Variants in RTN4RL1 observed in about 807,000 individuals in gnomAD.
RTN4RL1 encodes the protein reticulon 4 receptor like 1, also known as reticulon-4 receptor-like 1.
A neutral mutation model predicts 25.6 loss-of-function variants in RTN4RL1; 7 were observed. The observed-to-expected ratio is 0.27, with a 90% CI of 0.16 to 0.51. RTN4RL1 has a LOEUF of 0.51. Ranked by LOEUF, RTN4RL1 falls within the 20% of genes least tolerant of loss-of-function variation. The pLI is 0.97. For synonymous variants in RTN4RL1, 297 were observed against 288.2 expected, an observed-to-expected ratio of 1.03 and a Z score of -0.31; for missense variants, 500 against 615.6, an observed-to-expected ratio of 0.81 and a Z score of 1.99.
rs763607813 is a variant in RTN4RL1 at position 1,937,276 on chromosome 17, G to T, written c.546C>A (p.Gly182=). ...LVNLSHLFLH[G]NKLWSLGPGT... ...CCGGGCCCAGACTCCACAGCTTGTT[G>T]CCGTGGAGAAACAGGTGGCTGAGGT... Residue 182 remains glycine, a synonymous_variant, in exon 2 of 2, where the codon GGC becomes GGA. Coordinates refer to ENST00000331238, the MANE Select transcript of RTN4RL1 (RefSeq NM_178568.4). 2 of 1,612,814 alleles carry T rather than the reference G, an allele frequency of 1.2e-6. No individual in the cohort carries two copies. The highest frequency in any genetic ancestry group is 1.7e-6 in the Non-Finnish European group (2 of 1,179,882).
intron 1 of RTN4RL1, among the ~76,000 whole-genome samples, chr17:1,969,637 G>A (rs2066809313): frequency 6.6e-6 from 1 of 152,134 alleles, no homozygotes; most frequent in Non-Finnish European, 1.5e-5. Context: ...TCCTCTGCCT[G>A]CCTGGACTAT....
Position 1,936,948 on chromosome 17 carries a change from C to G in RTN4RL1, c.874G>C (p.Asp292His). 1.2e-6 allele frequency: 2 copies of G among 1,609,022 alleles called. No homozygotes were observed. The highest frequency in any genetic ancestry group is 1.7e-6 in the Non-Finnish European group (2 of 1,178,880). ...TCCTCGGCCCTCAGCAGCTTCAGGTCCTGGCCGTGCCGCAGCCCAGGGGAC... is the reference window on the plus strand; with the variant it reads ...TCCTCGGCCCTCAGCAGCTTCAGGTGCTGGCCGTGCCGCAGCCCAGGGGAC... ...CVSPGLRHGQ[D>H]LKLLRAEDFR... The change falls in exon 2 of 2, where the codon GAC (aspartate) becomes CAC (histidine). Residue 292 changes from aspartate to histidine, a missense_variant. Physicochemically the swap from Asp to His is moderately conservative, Grantham distance 81. Transcript: ENST00000331238.
chr17:1,984,871 G>A (rs1156954152), intron 1 of RTN4RL1, among the ~76,000 whole-genome samples: 1 of 152,108 alleles, frequency 6.6e-6, no homozygotes, highest in Non-Finnish European at 1.5e-5. Context: ...GGAGGCTGAG[G>A]CAGGTGAATC....
At chr17:1,956,904 C>T (rs1002565652) in intron 1 of RTN4RL1, among the ~76,000 whole-genome samples, 10 of 152,060 alleles carry the variant, frequency 6.6e-5, no homozygotes, top group African/African-American at 2.4e-4. Context: ...CCACCACGCC[C>T]GGCTTTTGTA....
intron 1 of RTN4RL1, among the ~76,000 whole-genome samples, chr17:1,975,642 C>A (rs2066839732): frequency 6.6e-6 from 1 of 151,982 alleles, no homozygotes; most frequent in African/African-American, 2.4e-5. Flanking sequence ...CAGAGTGAGA[C>A]TTTGACTCAA....
intron 1 of RTN4RL1, among the ~76,000 whole-genome samples, chr17:2,023,249 C>G (rs542931181): frequency 6.6e-6 from 1 of 152,304 alleles, no homozygotes; most frequent in Non-Finnish European, 1.5e-5. Flanking sequence ...CGGGCTTCTG[C>G]TCAGCTCTGT....
chr17:1,950,158 T>TG (rs1215917934), intron 1 of RTN4RL1, among the ~76,000 whole-genome samples: 7 of 148,670 alleles, frequency 4.7e-5, no homozygotes, highest in Admixed American at 3.3e-4. Flanking sequence ...GAGGGTGAGT[T>TG]GGGGGGGAGC....
chr17:1,984,310 G>A (rs953620147), intron 1 of RTN4RL1, among the ~76,000 whole-genome samples: 3 of 152,236 alleles, frequency 2.0e-5, no homozygotes, highest in South Asian at 2.1e-4. Flanking sequence ...GCAGCTTGGC[G>A]TGAAGGTGAC....
intron 1 of RTN4RL1, among the ~76,000 whole-genome samples, chr17:2,010,869 G>A (rs1326410116): frequency 6.6e-6 from 1 of 152,216 alleles, no homozygotes; most frequent in Non-Finnish European, 1.5e-5. Context: ...TCACAGGTGT[G>A]AGCCACCATG....
At chr17:1,989,678 ATTC>A (rs1353675446) in intron 1 of RTN4RL1, among the ~76,000 whole-genome samples, 1 of 152,134 alleles carries the variant, frequency 6.6e-6, no homozygotes, top group Non-Finnish European at 1.5e-5. Flanking sequence ...GTTTCAAGCA[ATTC>A]TTCTGCCTCA....
chr17:2,004,712 A>T (rs1170787654), intron 1 of RTN4RL1, among the ~76,000 whole-genome samples: 1 of 152,206 alleles, frequency 6.6e-6, no homozygotes, highest in Non-Finnish European at 1.5e-5. Flanking sequence ...GAGCAAGGAT[A>T]GTCCTTGGCA....
chr17:1,993,290 C>T (rs1293888741), intron 1 of RTN4RL1, among the ~76,000 whole-genome samples: 2 of 152,142 alleles, frequency 1.3e-5, no homozygotes, highest in African/African-American at 4.8e-5. Flanking sequence ...GTGTGTATTA[C>T]TGGGTGGGGA....
chr17:1,979,132 G>A (rs573794828), intron 1 of RTN4RL1, among the ~76,000 whole-genome samples: 16 of 152,378 alleles, frequency 1.1e-4, no homozygotes, highest in Non-Finnish European at 1.9e-4. Context: ...AATTAGCTGA[G>A]CGTGGTGGCA....
At chr17:1,964,865 T>G (rs1441572433) in intron 1 of RTN4RL1, among the ~76,000 whole-genome samples, 7 of 143,824 alleles carry the variant, frequency 4.9e-5, no homozygotes, top group Non-Finnish European at 7.6e-5. Flanking sequence ...CTTGGCTCAC[T>G]GCAACCTCCG....
At chr17:2,022,179 G>A (rs1357325334) in intron 1 of RTN4RL1, among the ~76,000 whole-genome samples, 1 of 152,006 alleles carries the variant, frequency 6.6e-6, no homozygotes, top group Non-Finnish European at 1.5e-5. Flanking sequence ...AGTCAAGCAT[G>A]GTGGCGTGCA....
chr17:1,982,387 CGGACCACGAGGTCA>C (rs1269525766), intron 1 of RTN4RL1, among the ~76,000 whole-genome samples: 1 of 151,752 alleles, frequency 6.6e-6, no homozygotes, highest in African/African-American at 2.4e-5. Context: ...CCGAGGCGGG[CGGACCACGAGGTCA>C]GGAGTTCGAG....
At chr17:2,024,777 C>A (rs1277684365) in intron 1 of RTN4RL1, 76 bp downstream of exon 1, 16 of 1,466,910 alleles carry the variant, frequency 1.1e-5, no homozygotes, top group Admixed American at 2.3e-5. Flanking sequence ...GGAGCCCCGG[C>A]GCCGGGCGGC....
At chr17:1,949,945 A>C (rs1233527168) in intron 1 of RTN4RL1, among the ~76,000 whole-genome samples, 1 of 152,202 alleles carries the variant, frequency 6.6e-6, no homozygotes, top group East Asian at 1.9e-4. Context: ...CAGCAGGTGC[A>C]AAGGCCCTGA....
At chr17:1,987,143 C>T (rs1337156503) in intron 1 of RTN4RL1, among the ~76,000 whole-genome samples, 1 of 152,110 alleles carries the variant, frequency 6.6e-6, no homozygotes, top group Admixed American at 6.5e-5. Context: ...GATATGTTCC[C>T]CTCCTTTTAG....
Sources: allele counts gnomAD v4.1 joint callset (sites outside exome capture counted in the v4.1 genomes callset), GRCh38; gene constraint gnomAD v4.1.1; transcripts MANE v1.5; gene names NCBI Gene and HGNC (gene_info 2026-07-23, HGNC 2026-07-21).